HERC4: variants seen among roughly 807,000 people sequenced by gnomAD.
HERC4 encodes the protein HECT and RLD domain containing E3 ubiquitin protein ligase 4, also known as probable E3 ubiquitin-protein ligase HERC4.
In HERC4, 28 loss-of-function variants were observed where a neutral mutation model predicts 124.3. The ratio of observed to expected loss-of-function variants is 0.23; its 90% CI spans 0.17 to 0.31. The LOEUF (loss-of-function observed/expected upper bound fraction) is 0.31. Ranked by LOEUF, HERC4 falls within the 10% of genes least tolerant of loss-of-function variation. The pLI is 1.00. For missense variants in HERC4, 713 were observed against 1,229.3 expected (o/e 0.58, Z 6.28); for synonymous variants, 407 against 421.5 (o/e 0.97, Z 0.42).
At chr10:67,970,071 T>G (rs2035137671) in intron 15 of HERC4, among the ~76,000 whole-genome samples, 2 of 152,156 alleles carry the variant, frequency 1.3e-5, no homozygotes, top group Non-Finnish European at 2.9e-5. Flanking sequence ...AGGCCTCAAA[T>G]TCCTCCAATG....
chr10:68,003,094 C>T lies in HERC4; in HGVS notation c.1070-10412G>A, dbSNP rs1328158283. 2.0e-5 allele frequency among the ~76,000 whole-genome samples: 3 copies of T among 151,756 alleles called. No homozygotes were observed. In the East Asian group the frequency reaches 5.8e-4, roughly 29 times the overall value. On this transcript the variant is annotated intron_variant, in intron 9 of 24. Coordinates refer to ENST00000373700, the MANE Select transcript of HERC4 (RefSeq NM_015601.4). ...TTTTAAATGTACAATAAATTATTCT[C>T]GACTGTAGTCACTCTGTTGTGCTAT...
At chr10:67,982,920 G>C (rs1022712873) in intron 15 of HERC4, among the ~76,000 whole-genome samples, 1 of 151,980 alleles carries the variant, frequency 6.6e-6, no homozygotes, top group African/African-American at 2.4e-5. Flanking sequence ...CTGAGCTCAG[G>C]AGTTCAAGAC....
At chr10:67,946,535 G>A (rs557905727) in intron 19 of HERC4, among the ~76,000 whole-genome samples, 1 of 152,118 alleles carries the variant, frequency 6.6e-6, no homozygotes, top group East Asian at 1.9e-4. Flanking sequence ...CAAAACAGAT[G>A]CAAGACAAAA....
chr10:68,058,561 G>A (rs530843338), intron 3 of HERC4, among the ~76,000 whole-genome samples: 1 of 151,992 alleles, frequency 6.6e-6, no homozygotes, highest in East Asian at 1.9e-4. Context: ...CTCACCATAC[G>A]CTAGGCATTG....
chr10:67,973,308 G>A (rs758047368), intron 15 of HERC4, among the ~76,000 whole-genome samples: 2 of 152,172 alleles, frequency 1.3e-5, no homozygotes, highest in Non-Finnish European at 2.9e-5. Context: ...TAAAGAGAAT[G>A]AGCGGCACAT....
intron 15 of HERC4, among the ~76,000 whole-genome samples, chr10:67,981,363 T>C (rs1218790608): frequency 6.6e-6 from 1 of 152,144 alleles, no homozygotes; most frequent in Non-Finnish European, 1.5e-5. Context: ...GCACCCAACA[T>C]TGGAGCACCT....
intron 16 of HERC4, chr10:67,958,978 A>T: frequency 3.6e-6 from 2 of 558,614 alleles, no homozygotes; most frequent in South Asian, 7.0e-5. Context: ...CTGTATTTTA[A>T]AAAATGATAC....
At chr10:67,958,584 G>A (rs1195385156) in intron 16 of HERC4, among the ~76,000 whole-genome samples, 3 of 152,174 alleles carry the variant, frequency 2.0e-5, no homozygotes, top group African/African-American at 7.2e-5. Flanking sequence ...GTTCCCAAGT[G>A]TTAAAAGGGT....
chr10:68,047,200 GAAA>G (rs34624828), intron 3 of HERC4, among the ~76,000 whole-genome samples: 1 of 143,198 alleles, frequency 7.0e-6, no homozygotes. Context: ...ACTTCTTAGG[GAAA>G]AAAAAAAAAA....
chr10:67,982,845 C>T (rs571381193), intron 15 of HERC4, among the ~76,000 whole-genome samples: 38 of 152,036 alleles, frequency 2.5e-4, no homozygotes, highest in Admixed American at 1.6e-3. Context: ...ACCAAACAGG[C>T]GGCAGGGTGC....
chr10:68,021,162 A>G (rs2038601111), intron 8 of HERC4, among the ~76,000 whole-genome samples: 1 of 152,226 alleles, frequency 6.6e-6, no homozygotes, highest in African/African-American at 2.4e-5. Context: ...GCTGAAAGAC[A>G]AAGAATCTTG....
At chr10:68,039,370 T>G in intron 4 of HERC4, 2 of 1,481,834 alleles carry the variant, frequency 1.3e-6, no homozygotes, top group African/African-American at 1.5e-5. Flanking sequence ...GATGGGGAGG[T>G]ACACAATATG....
At chr10:67,979,087 C>G (rs1313806418) in intron 15 of HERC4, among the ~76,000 whole-genome samples, 1 of 152,234 alleles carries the variant, frequency 6.6e-6, no homozygotes, top group African/African-American at 2.4e-5. Context: ...AGAGGAACAT[C>G]TGTTAAGTTA....
Position 67,966,787 on chromosome 10 carries a change from C to A in HERC4, c.1822G>T (p.Gly608Ter). Reference protein sequence around the residue: ...EILHRVNEKMGQIIQYDKFYI... With the variant: ...EILHRVNEKM ...AATTTATCATACTGTATAATCTGTC[C>A]CATTTTCTCATTTACCTACAAAAGA... Residue 608 changes from glycine (G) to a stop codon, truncating the protein, a stop_gained, in exon 16 of 25, where the codon GGA (glycine) becomes TGA (stop). Transcript: ENST00000373700. LOFTEE classifies it high-confidence loss of function. The A allele has an allele frequency of 6.5e-7, 1 of 1,546,842 alleles. No individual in the cohort carries two copies. The highest frequency in any genetic ancestry group is 2.0e-5 in the Admixed American group (1 of 48,866).
intron 3 of HERC4, among the ~76,000 whole-genome samples, chr10:68,052,625 G>A (rs2040370509): frequency 6.6e-6 from 1 of 152,130 alleles, no homozygotes; most frequent in African/African-American, 2.4e-5. Context: ...CCTGTTGAAT[G>A]AGTAACTGGG....
At chr10:67,995,361 A>ATTG in intron 9 of HERC4, 1 of 201,802 alleles carries the variant, frequency 5.0e-6, no homozygotes, top group Non-Finnish European at 9.9e-6. Flanking sequence ...TCTCCCTATT[A>ATTG]TATAGTTATC....
At chr10:67,993,833 T>C (rs1369861797) in intron 9 of HERC4, 1 of 152,226 alleles carries the variant, frequency 6.6e-6, no homozygotes, top group East Asian at 1.9e-4. Flanking sequence ...AAAATATTGC[T>C]TGGCTAGTCC....
intron 19 of HERC4, among the ~76,000 whole-genome samples, chr10:67,943,452 C>T (rs1188179584): frequency 6.6e-6 from 1 of 152,204 alleles, no homozygotes; most frequent in Non-Finnish European, 1.5e-5. Context: ...TAGTAACTTA[C>T]AGCTAATTTG....
chr10:68,039,495 C>T, intron 4 of HERC4: 1 of 1,550,618 alleles, frequency 6.4e-7, no homozygotes. Context: ...GCAGCTTCAG[C>T]AAATCAAAGT....
Sources: allele counts gnomAD v4.1 joint callset (sites outside exome capture counted in the v4.1 genomes callset), GRCh38; gene constraint gnomAD v4.1.1; transcripts MANE v1.5; gene names NCBI Gene and HGNC (gene_info 2026-07-23, HGNC 2026-07-21).